The following DNAH3 variants were observed in gnomAD, a reference collection of about 807,000 sequenced individuals.
DNAH3 encodes axonemal beta dynein heavy chain 3.
In DNAH3, 332 loss-of-function variants were observed where a neutral mutation model predicts 432.5. That is an observed-to-expected ratio of 0.77 (90% CI 0.70 to 0.84). DNAH3 has a LOEUF of 0.84. DNAH3 is among the 40% of genes least tolerant of loss of function. The pLI is 0.00. For synonymous variants in DNAH3, 1,956 were observed against 1,900.2 expected (o/e 1.03, Z -0.76); for missense variants, 4,861 against 5,114.0 (o/e 0.95, Z 1.51).
At chr16:21,121,186 C>T (rs1567826668) in intron 10 of DNAH3, 1 of 409,642 alleles carries the variant, frequency 2.4e-6, no homozygotes, top group African/African-American at 2.0e-5. Context: ...TGGACAATGG[C>T]CCTTTGGTCA....
At chr16:20,966,088 A>G (rs1220515352) in intron 52 of DNAH3, among the ~76,000 whole-genome samples, 1 of 114,994 alleles carries the variant, frequency 8.7e-6, no homozygotes, top group Non-Finnish European at 1.7e-5. Context: ...CCCAGGCTGG[A>G]GTGCAATGGT....
intron 10 of DNAH3, chr16:21,121,233 C>A: frequency 2.7e-6 from 1 of 372,004 alleles, no homozygotes; most frequent in Non-Finnish European, 5.2e-6. Flanking sequence ...AAAGATGGAG[C>A]TAAAAGGAGT....
intron 51 of DNAH3, 110 bp downstream of exon 51, chr16:20,975,123 G>A (rs1597018590): frequency 9.1e-6 from 12 of 1,316,912 alleles, no homozygotes; most frequent in South Asian, 2.8e-5. Flanking sequence ...GAGCCACCAT[G>A]CCCAGCCTTG....
intron 26 of DNAH3, among the ~76,000 whole-genome samples, chr16:21,058,971 TTCTGC>T (rs1344613604): frequency 6.6e-6 from 1 of 152,044 alleles, no homozygotes; most frequent in African/African-American, 2.4e-5. Flanking sequence ...GACCTGCATG[TTCTGC>T]ACATGTATCC....
intron 1 of DNAH3, among the ~76,000 whole-genome samples, chr16:21,152,969 G>A (rs2092871912): frequency 6.6e-6 from 1 of 152,232 alleles, no homozygotes; most frequent in South Asian, 2.1e-4. Flanking sequence ...CCACCCAAGG[G>A]CTGAGGAGTG....
intron 20 of DNAH3, among the ~76,000 whole-genome samples, chr16:21,077,406 G>A (rs1423241069): frequency 4.6e-5 from 7 of 151,972 alleles, no homozygotes; most frequent in African/African-American, 1.2e-4. Flanking sequence ...CAAGTGATCC[G>A]CCCGCCTCGG....
At chr16:20,984,738 G>A (rs1397247439) in intron 48 of DNAH3, among the ~76,000 whole-genome samples, 2 of 152,032 alleles carry the variant, frequency 1.3e-5, no homozygotes, top group African/African-American at 4.8e-5. Flanking sequence ...TGTGGTACGC[G>A]CCTGCAATCA....
At chr16:21,143,754 T>C (rs1049389632) in intron 3 of DNAH3, among the ~76,000 whole-genome samples, 4 of 152,086 alleles carry the variant, frequency 2.6e-5, no homozygotes, top group African/African-American at 7.2e-5. Flanking sequence ...TAAGAACCAC[T>C]TGGGAAAAAG....
rs111547543 is a variant in DNAH3 at position 21,041,528 on chromosome 16, C to T, written c.4638+499G>A. Among the ~76,000 whole-genome samples, 1,308 of 152,242 alleles carry T rather than the reference C, an allele frequency of 8.6e-3. 26 individuals are homozygous for T. Among genetic ancestry groups the T allele is most frequent in the African/African-American group, 0.03 (1,243 of 41,526 alleles). On this transcript the variant is annotated intron_variant, in intron 32 of 61. Coordinates refer to ENST00000261383, the Ensembl canonical transcript of DNAH3. ...CTGAGTAAGTTTCCAGGGCACCAGT[C>T]AGAATGCATTAGTAACAGGGGGTAG...
chr16:21,051,640 C>A, intron 29 of DNAH3, 30 bp downstream of exon 29: 1 of 1,608,832 alleles, frequency 6.2e-7, no homozygotes, highest in Non-Finnish European at 8.5e-7. Context: ...TCTCCGTTCA[C>A]CCCTCAGATC....
At chr16:21,034,449 G>A (rs1365792711) in intron 35 of DNAH3, among the ~76,000 whole-genome samples, 1 of 152,208 alleles carries the variant, frequency 6.6e-6, no homozygotes, top group Non-Finnish European at 1.5e-5. Flanking sequence ...ATCAGTGATG[G>A]AGCCAGAATT....
intron 31 of DNAH3, among the ~76,000 whole-genome samples, chr16:21,047,543 T>C (rs2089760444): frequency 6.6e-6 from 1 of 151,106 alleles, no homozygotes; most frequent in South Asian, 2.1e-4. Context: ...CTTTAAGCAC[T>C]TCTCTGTATT....
chr16:21,146,088 T>A, exon 2 of DNAH3: 1 of 1,608,596 alleles, frequency 6.2e-7, no homozygotes, highest in Non-Finnish European at 8.5e-7. Context: ...CTTTTGGCGA[T>A]CTGTGGGACA....
intron 31 of DNAH3, among the ~76,000 whole-genome samples, chr16:21,047,048 G>C (rs1332989965): frequency 6.6e-6 from 1 of 152,142 alleles, no homozygotes; most frequent in Non-Finnish European, 1.5e-5. Flanking sequence ...GAGATCCGCT[G>C]TTACTCTGAC....
chr16:20,973,205 A>G (rs571191096), intron 51 of DNAH3, among the ~76,000 whole-genome samples: 5 of 152,050 alleles, frequency 3.3e-5, no homozygotes, highest in East Asian at 3.9e-4. Context: ...AAGTCAATTT[A>G]CCACTGAACC....
intron 41 of DNAH3, among the ~76,000 whole-genome samples, chr16:21,018,509 T>G (rs942169276): frequency 7.9e-5 from 12 of 152,220 alleles, no homozygotes; most frequent in African/African-American, 2.9e-4. Flanking sequence ...TAAGAAATGA[T>G]GTCACACACA....
intron 54 of DNAH3, among the ~76,000 whole-genome samples, chr16:20,957,199 G>A (rs890962211): frequency 5.9e-5 from 9 of 152,184 alleles, no homozygotes; most frequent in Admixed American, 3.9e-4. Flanking sequence ...GTTGGATAGA[G>A]CAGGGGTTGA....
At chr16:20,937,051 C>G (rs530987096) in intron 59 of DNAH3, among the ~76,000 whole-genome samples, 198 bp from the exon 60 acceptor site, 4 of 152,352 alleles carry the variant, frequency 2.6e-5, no homozygotes, top group Non-Finnish European at 5.9e-5. Context: ...TATGTGAACA[C>G]AAATTATTTT....
At chr16:20,995,618 G>C (rs9926576) in intron 44 of DNAH3, among the ~76,000 whole-genome samples, 1 of 151,920 alleles carries the variant, frequency 6.6e-6, no homozygotes, top group Non-Finnish European at 1.5e-5. Flanking sequence ...GAAAATTTCC[G>C]CCTTTTTTCC....
Sources: gnomAD v4.1 joint callset for allele counts (sites outside exome capture counted in the v4.1 genomes callset) on GRCh38, gnomAD v4.1.1 for gene constraint, MANE v1.5 for transcripts, NCBI Gene and HGNC (gene_info 2026-07-23, HGNC 2026-07-21) for gene names.